ERC1: variants seen among roughly 807,000 people sequenced by gnomAD.
ERC1 encodes the protein ELKS/RAB6-interacting/CAST family member 1, also known as RAB6 interacting protein 2.
In ERC1, 56 loss-of-function variants were observed where a neutral mutation model predicts 132.0. The ratio of observed to expected loss-of-function variants is 0.42; its 90% CI spans 0.34 to 0.53. The LOEUF (loss-of-function observed/expected upper bound fraction) is 0.53. Among genes scored for constraint, ERC1 ranks in the 20% least tolerant of loss-of-function variants. The pLI is 0.03. For missense variants in ERC1, 1,202 were observed against 1,349.9 expected, an observed-to-expected ratio of 0.89 and a Z score of 1.72; for synonymous variants, 478 against 476.1, an observed-to-expected ratio of 1.00 and a Z score of -0.05.
chr12:1,450,790 A>G (rs1308677407), intron 18 of ERC1, among the ~76,000 whole-genome samples: 2 of 152,208 alleles, frequency 1.3e-5, no homozygotes, highest in Non-Finnish European at 2.9e-5. Flanking sequence ...CAGTTTCTCC[A>G]TATCCCGGCC....
At chr12:1,023,851 A>G (rs1322779994) in intron 1 of ERC1, among the ~76,000 whole-genome samples, 1 of 152,196 alleles carries the variant, frequency 6.6e-6, no homozygotes, top group Admixed American at 6.5e-5. Flanking sequence ...AAGGCATTAG[A>G]GAGGAAAAGT....
chr12:1,118,980 G>A (rs1207863984), intron 7 of ERC1, among the ~76,000 whole-genome samples: 3 of 152,086 alleles, frequency 2.0e-5, no homozygotes, highest in Non-Finnish European at 4.4e-5. Context: ...GGGATCAAAC[G>A]CTTCTCCTGC....
chr12:1,257,956 T>C (rs2076910596), intron 13 of ERC1, among the ~76,000 whole-genome samples: 2 of 152,236 alleles, frequency 1.3e-5, no homozygotes, highest in Non-Finnish European at 2.9e-5. Context: ...TTTTGAAATT[T>C]AGGTGTGTTT....
At chr12:1,416,876 A>G (rs146709332) in intron 17 of ERC1, among the ~76,000 whole-genome samples, 1 of 152,238 alleles carries the variant, frequency 6.6e-6, no homozygotes, top group East Asian at 1.9e-4. Flanking sequence ...AATGTTAGCT[A>G]TTAGCTGGCT....
At chr12:1,292,866 G>C (rs2079553825) in intron 15 of ERC1, among the ~76,000 whole-genome samples, 1 of 152,036 alleles carries the variant, frequency 6.6e-6, no homozygotes, top group African/African-American at 2.4e-5. Context: ...TAAAAAATTG[G>C]CTGGACGTGG....
intron 6 of ERC1, among the ~76,000 whole-genome samples, chr12:1,112,853 G>A (rs1351950140): frequency 6.6e-6 from 1 of 152,010 alleles, no homozygotes; most frequent in East Asian, 1.9e-4. Flanking sequence ...TCTAAATCTA[G>A]TTCAATATTC....
chr12:1,050,316 G>A (rs183083473), intron 2 of ERC1, among the ~76,000 whole-genome samples: 1 of 152,314 alleles, frequency 6.6e-6, no homozygotes, highest in Admixed American at 6.5e-5. Context: ...ACAGGGAAGT[G>A]GTGGTAGCAA....
intron 8 of ERC1, among the ~76,000 whole-genome samples, chr12:1,161,541 G>A (rs1486416445): frequency 6.6e-6 from 1 of 152,142 alleles, no homozygotes; most frequent in Non-Finnish European, 1.5e-5. Context: ...TTTACCTAAT[G>A]AGAAAAATTA....
chr12:1,409,635 G>T (rs1468289809), intron 17 of ERC1, among the ~76,000 whole-genome samples: 4 of 152,114 alleles, frequency 2.6e-5, no homozygotes, highest in African/African-American at 9.7e-5. Flanking sequence ...AAAATCCATG[G>T]TTGCTCAAGT....
chr12:1,328,157 T>C (rs760860552), intron 15 of ERC1, among the ~76,000 whole-genome samples: 49 of 152,146 alleles, frequency 3.2e-4, no homozygotes, highest in Non-Finnish European at 5.9e-4. Flanking sequence ...TTGTTTGTTT[T>C]TCCTTTGGAG....
At chr12:1,093,907 A>T (rs1014605360) in intron 3 of ERC1, among the ~76,000 whole-genome samples, 3 of 139,440 alleles carry the variant, frequency 2.2e-5, no homozygotes, top group African/African-American at 5.2e-5. Context: ...ATAAATATAT[A>T]TTTTTCTATA....
chr12:1,390,411 A>G (rs966847791), intron 16 of ERC1, among the ~76,000 whole-genome samples: 1 of 152,226 alleles, frequency 6.6e-6, no homozygotes, highest in East Asian at 1.9e-4. Flanking sequence ...AAATCAATAC[A>G]TTTAAAAAAT....
At chr12:1,477,679 T>C (rs2094001651) in intron 18 of ERC1, among the ~76,000 whole-genome samples, 1 of 152,194 alleles carries the variant, frequency 6.6e-6, no homozygotes, top group Admixed American at 6.5e-5. Flanking sequence ...CCTATGTATA[T>C]AGCTGAATTA....
intron 2 of ERC1, among the ~76,000 whole-genome samples, chr12:1,079,260 A>C: frequency 6.6e-6 from 1 of 151,472 alleles, no homozygotes; most frequent in South Asian, 2.1e-4. Context: ...ACAGAGATAC[A>C]GATAGAAATG....
In ERC1 at chr12:1,093,957, C is replaced by CTATATATATATATATATATATATATA. The variant is rs202076174; in HGVS notation, c.1086+10380_1086+10405dup. Among the ~76,000 whole-genome samples the CTATATATATATATATATATATATATA allele has an allele frequency of 3.8e-3, 261 of 68,774 alleles. 20 individuals carry two copies. The highest frequency in any genetic ancestry group is 5.4e-3 in the Non-Finnish European group (185 of 34,152). 45.1% of individuals were successfully genotyped at this position (68,774 alleles called of 152,430 possible). A position where few individuals can be genotyped will look rare whatever the true frequency, so the allele number is the denominator to read the frequency against. ...TTTCTATATAAATATATATATTTTT[C>CTATATATATATATATATATATATATA]TATATATATATATATATATATATAT... is the stretch of plus-strand genomic sequence containing the variant. On this transcript the variant is annotated intron_variant, in intron 3 of 18. Coordinates refer to ENST00000360905, the MANE Select transcript of ERC1 (RefSeq NM_178040.4).
chr12:1,418,043 T>C (rs749267271), intron 17 of ERC1, among the ~76,000 whole-genome samples: 5 of 152,180 alleles, frequency 3.3e-5, no homozygotes, highest in Non-Finnish European at 7.4e-5. Context: ...CTTATCCAAG[T>C]TCACATACCT....
At chr12:1,261,344 T>C (rs913854129) in intron 13 of ERC1, among the ~76,000 whole-genome samples, 1 of 152,214 alleles carries the variant, frequency 6.6e-6, no homozygotes, top group Non-Finnish European at 1.5e-5. Context: ...TTATCAACTT[T>C]ATGTATTAAT....
At chr12:1,121,158 G>A (rs1218848188) in intron 7 of ERC1, among the ~76,000 whole-genome samples, 1 of 152,170 alleles carries the variant, frequency 6.6e-6, no homozygotes, top group Non-Finnish European at 1.5e-5. Flanking sequence ...TTTTACAGAT[G>A]GGGAGTTAAA....
At chr12:1,189,157 C>T (rs1218091456) in intron 11 of ERC1, among the ~76,000 whole-genome samples, 1 of 152,156 alleles carries the variant, frequency 6.6e-6, no homozygotes, top group African/African-American at 2.4e-5. Context: ...AAGCAGTCCC[C>T]CTGCTTGGGC....
Sources: allele counts gnomAD v4.1 joint callset (sites outside exome capture counted in the v4.1 genomes callset), GRCh38; gene constraint gnomAD v4.1.1; transcripts MANE v1.5; gene names NCBI Gene and HGNC (gene_info 2026-07-23, HGNC 2026-07-21).